Variants in WFDC10B observed in about 807,000 individuals in gnomAD.
WFDC10B encodes the protein protein WFDC10B.
WFDC10B carries 1 observed loss-of-function variant against 2.7 expected under a neutral mutation model. The ratio of observed to expected loss-of-function variants is 0.38; its 90% CI spans 0.13 to 1.79. WFDC10B has a LOEUF of 1.79. Among genes scored for constraint, WFDC10B ranks in the 40% most tolerant of loss-of-function variants. The pLI is 0.33. For missense variants in WFDC10B, 71 were observed against 87.8 expected (o/e 0.81, Z 0.76); for synonymous variants, 26 against 32.2 (o/e 0.81, Z 0.65).
chr20:45,700,093 A>G (rs979915069), intron 2 of WFDC10B, among the ~76,000 whole-genome samples: 1 of 152,212 alleles, frequency 6.6e-6, no homozygotes, highest in Non-Finnish European at 1.5e-5. Context: ...TAATAGCAAA[A>G]TCTTGGAAAC....
chr20:45,700,354 A>G (rs1467166265), intron 2 of WFDC10B, among the ~76,000 whole-genome samples: 1 of 152,224 alleles, frequency 6.6e-6, no homozygotes, highest in Admixed American at 6.5e-5. Flanking sequence ...AGCACATCCT[A>G]TGAAGTCAGC....
chr20:45,693,188 G>T (rs111885195), intron 2 of WFDC10B, among the ~76,000 whole-genome samples: 2 of 152,210 alleles, frequency 1.3e-5, no homozygotes, highest in Non-Finnish European at 2.9e-5. Context: ...TCCTCTGGAA[G>T]TTTTGTCTCA....
intron 2 of WFDC10B, among the ~76,000 whole-genome samples, chr20:45,694,893 A>C (rs945657010): frequency 1.3e-5 from 2 of 151,958 alleles, no homozygotes; most frequent in African/African-American, 4.9e-5. Flanking sequence ...AAAAACTCTT[A>C]AACAATAAGA....
intron 2 of WFDC10B, among the ~76,000 whole-genome samples, chr20:45,692,251 C>T (rs1428507423): frequency 6.6e-6 from 1 of 152,062 alleles, no homozygotes; most frequent in African/African-American, 2.4e-5. Context: ...CGACCTTTCT[C>T]TCTGGCTGCC....
At chr20:45,697,379 A>ATTTTTTTTTTTT in intron 2 of WFDC10B, among the ~76,000 whole-genome samples, 2 of 114,010 alleles carry the variant, frequency 1.8e-5, no homozygotes, top group Non-Finnish European at 3.4e-5. Context: ...ACATCCCATC[A>ATTTTTTTTTTTT]TTTTTTTTTT....
chr20:45,701,953 A>G (rs909907480), intron 2 of WFDC10B: 4 of 615,684 alleles, frequency 6.5e-6, no homozygotes, highest in African/African-American at 5.5e-5. Flanking sequence ...AGTGGGTGTG[A>G]TTGGGAGGTG....
intron 2 of WFDC10B, among the ~76,000 whole-genome samples, chr20:45,688,973 G>C (rs1055707074): frequency 6.6e-6 from 1 of 151,612 alleles, no homozygotes; most frequent in Non-Finnish European, 1.5e-5. Flanking sequence ...TATGGTTTTA[G>C]GTATAACGTT....
intron 2 of WFDC10B, among the ~76,000 whole-genome samples, chr20:45,689,746 G>C (rs1983746165): frequency 6.6e-6 from 1 of 152,224 alleles, no homozygotes; most frequent in African/African-American, 2.4e-5. Flanking sequence ...TTTGGGCTGA[G>C]ACAATGGGGT....
At chr20:45,689,497 T>C (rs1160338404) in intron 2 of WFDC10B, among the ~76,000 whole-genome samples, 7 of 152,186 alleles carry the variant, frequency 4.6e-5, no homozygotes. Context: ...TCCATTTGTT[T>C]GTATCCTCTT....
Position 45,704,730 on chromosome 20 carries a change from C to T in WFDC10B, c.-129-169G>A, listed in dbSNP as rs565426342. On this transcript the variant is annotated intron_variant, in intron 1 of 3. Transcript: ENST00000330523. ...TGGTGGCCATGTTGCCAACATGCCC[C>T]TTCTCTTGACCAAGGATAATTTCCA... The T allele has an allele frequency of 5.0e-6, 7 of 1,402,592 alleles. No individual in the cohort carries two copies. The Admixed American group carries it at 1.5e-4, about 30-fold the overall frequency. The allele number at this position is 1,402,592 out of a possible 1,614,324, so 86.9% of individuals were successfully genotyped here. A position where few individuals can be genotyped will look rare whatever the true frequency, so the allele number is the denominator to read the frequency against.
chr20:45,697,958 G>T (rs1329525597), intron 2 of WFDC10B, among the ~76,000 whole-genome samples: 6 of 151,656 alleles, frequency 4.0e-5, no homozygotes, highest in Non-Finnish European at 8.8e-5. Flanking sequence ...TGGCCAGGCT[G>T]GTCTCGAACT....
intron 2 of WFDC10B, 32 bp from the exon 3 acceptor site, chr20:45,686,088 G>A (rs1983607641): frequency 6.6e-7 from 1 of 1,525,644 alleles, no homozygotes. Flanking sequence ...AAGAAGGAAT[G>A]ATCTTCAGCT....
At chr20:45,690,793 G>A (rs952350305) in intron 2 of WFDC10B, among the ~76,000 whole-genome samples, 3 of 152,024 alleles carry the variant, frequency 2.0e-5, no homozygotes, top group Non-Finnish European at 2.9e-5. Context: ...CCAGCTCCTA[G>A]ATTCATTAAA....
chr20:45,684,723 T>C lies in WFDC10B; in HGVS notation c.*107A>G, dbSNP rs1271828990. On this transcript the variant is annotated 3_prime_UTR_variant, in exon 4 of 4. Transcript: ENST00000330523. ...ACACTGGGGAGGGTGGCATTCCTGT[T>C]GATGTTCTTGTGCTGATGATTTGAT... 4 of 1,470,716 alleles carry C rather than the reference T, an allele frequency of 2.7e-6. No homozygotes were observed. The African/African-American group carries it at 5.6e-5, about 21-fold the overall frequency. The allele number at this position is 1,470,716 out of a possible 1,614,324, so 91.1% of individuals were successfully genotyped here.
chr20:45,692,473 C>T (rs1478294822), intron 2 of WFDC10B, among the ~76,000 whole-genome samples: 2 of 152,186 alleles, frequency 1.3e-5, no homozygotes, highest in Admixed American at 1.3e-4. Context: ...TCAGGTACAC[C>T]AATCAGACGT....
At chr20:45,689,683 A>C (rs551818875) in intron 2 of WFDC10B, among the ~76,000 whole-genome samples, 39 of 152,286 alleles carry the variant, frequency 2.6e-4, no homozygotes, top group African/African-American at 9.1e-4. Context: ...ATTTTTGAAC[A>C]TTGATTTTCT....
intron 2 of WFDC10B, among the ~76,000 whole-genome samples, chr20:45,689,982 C>T (rs1319582532): frequency 6.6e-6 from 1 of 151,782 alleles, no homozygotes. Context: ...GTGGGTTTGT[C>T]ATAGATAGCT....
At chr20:45,702,228 G>T in intron 2 of WFDC10B, 1 of 1,605,408 alleles carries the variant, frequency 6.2e-7, no homozygotes, top group Non-Finnish European at 8.5e-7. Context: ...GCTGGATCTG[G>T]GCCCAAGGAG....
chr20:45,699,467 T>C (rs1434313607), intron 2 of WFDC10B, among the ~76,000 whole-genome samples: 1 of 152,224 alleles, frequency 6.6e-6, no homozygotes, highest in African/African-American at 2.4e-5. Context: ...AATGAAGTAC[T>C]GGTGCATGCT....
Sources: allele counts gnomAD v4.1 joint callset (sites outside exome capture counted in the v4.1 genomes callset), GRCh38; gene constraint gnomAD v4.1.1; transcripts MANE v1.5; gene names NCBI Gene and HGNC (gene_info 2026-07-23, HGNC 2026-07-21).